Variants in PRSS12 observed in about 807,000 individuals in gnomAD.
The protein encoded by PRSS12 is serine protease 12, also known as neurotrypsin.
PRSS12 carries 85 observed loss-of-function variants against 104.4 expected under a neutral mutation model. That is an observed-to-expected ratio of 0.81 (90% CI 0.68 to 0.98). PRSS12 has a LOEUF of 0.98. Ranked by LOEUF, PRSS12 falls within the 50% of genes least tolerant of loss-of-function variation. The pLI is 0.00. For synonymous variants in PRSS12, 454 were observed against 425.2 expected, an observed-to-expected ratio of 1.07 and a Z score of -0.83; for missense variants, 1,141 against 1,139.2, an observed-to-expected ratio of 1.00 and a Z score of -0.02.
At chr4:118,327,297 G>A (rs776567185) in intron 4 of PRSS12, among the ~76,000 whole-genome samples, 1 of 151,972 alleles carries the variant, frequency 6.6e-6, no homozygotes, top group African/African-American at 2.4e-5. Flanking sequence ...GACCACCAGT[G>A]CGTGCCACCA....
chr4:118,288,382 T>C (rs1350260361), intron 11 of PRSS12, among the ~76,000 whole-genome samples: 1 of 152,240 alleles, frequency 6.6e-6, no homozygotes, highest in Non-Finnish European at 1.5e-5. Flanking sequence ...CTCTACCATA[T>C]ACTATGTCAT....
chr4:118,299,793 A>T (rs1263420785), intron 8 of PRSS12, among the ~76,000 whole-genome samples: 26 of 104,330 alleles, frequency 2.5e-4, no homozygotes, highest in African/African-American at 7.3e-4. Context: ...ATAAAATAAA[A>T]TAAATAAAAT....
At chr4:118,318,631 G>A (rs761883208) in intron 4 of PRSS12, 75 bp from the exon 5 acceptor site, 2 of 1,438,350 alleles carry the variant, frequency 1.4e-6, no homozygotes, top group Non-Finnish European at 1.9e-6. Context: ...TTTGTCCCTA[G>A]TAAAAGCATT....
At chr4:118,303,639 A>C (rs1208418425) in intron 8 of PRSS12, 1 of 152,174 alleles carries the variant, frequency 6.6e-6, no homozygotes, top group African/African-American at 2.4e-5. Flanking sequence ...TCTGATAATT[A>C]GTCTTTAAAC....
intron 8 of PRSS12, chr4:118,303,866 A>G (rs1743464111): frequency 6.6e-6 from 1 of 152,060 alleles, no homozygotes; most frequent in African/African-American, 2.4e-5. Flanking sequence ...CATTCCTCCA[A>G]AGTTTGAAAG....
intron 4 of PRSS12, among the ~76,000 whole-genome samples, chr4:118,319,839 G>A (rs1283800776): frequency 6.6e-6 from 1 of 151,906 alleles, no homozygotes; most frequent in Non-Finnish European, 1.5e-5. Flanking sequence ...CACCGTGCCA[G>A]TGAATGTTTT....
chr4:118,329,814 C>T (rs1199081492), intron 4 of PRSS12, among the ~76,000 whole-genome samples: 2 of 152,088 alleles, frequency 1.3e-5, no homozygotes, highest in Admixed American at 1.3e-4. Context: ...TGTAGCTTTT[C>T]GCAACTCCAA....
At chr4:118,295,210 A>T in intron 10 of PRSS12, 149 bp from the exon 11 acceptor site, 1 of 1,086,090 alleles carries the variant, frequency 9.2e-7, no homozygotes, top group Non-Finnish European at 1.3e-6. Flanking sequence ...ATCCCTTCCT[A>T]CTTTGAGAAG....
intron 7 of PRSS12, among the ~76,000 whole-genome samples, chr4:118,310,235 A>C (rs1743673180): frequency 6.6e-6 from 1 of 152,204 alleles, no homozygotes; most frequent in Non-Finnish European, 1.5e-5. Flanking sequence ...TAAAGTTTTC[A>C]CTTTTTATAT....
chr4:118,322,656 A>G (rs546294963), intron 4 of PRSS12, among the ~76,000 whole-genome samples: 4 of 151,386 alleles, frequency 2.6e-5, no homozygotes, highest in African/African-American at 9.6e-5. Flanking sequence ...CAATTTGGGG[A>G]TGGAGGCTGA....
Position 118,335,484 on chromosome 4 carries a change from C to G in PRSS12, c.809G>C (p.Ser270Thr). The G allele has an allele frequency of 1.2e-6, 2 of 1,613,774 alleles. No homozygotes were observed. The highest frequency in any genetic ancestry group is 1.7e-6 in the Non-Finnish European group (2 of 1,179,888). Residue 270 changes from serine to threonine, a missense_variant, in exon 3 of 13, where the codon AGC becomes ACC. Physicochemically the swap from Ser to Thr is moderately conservative, Grantham distance 58. Transcript: ENST00000296498. ...TTTCTTTTTTTTACCATGGGAAAAG[C>G]TACACGTGACAGCAGCTGCCATCTT... ...PQKMAAAVTC[S>T]FSHGPTFPII...
At chr4:118,324,376 C>A (rs1282807882) in intron 4 of PRSS12, among the ~76,000 whole-genome samples, 2 of 151,996 alleles carry the variant, frequency 1.3e-5, no homozygotes, top group African/African-American at 4.8e-5. Flanking sequence ...AACTTTCATA[C>A]AATTTTTAGG....
At chr4:118,339,379 AT>A (rs1724143456) in intron 1 of PRSS12, among the ~76,000 whole-genome samples, 1 of 152,260 alleles carries the variant, frequency 6.6e-6, no homozygotes. Flanking sequence ...GTATGGCTTC[AT>A]AATAACTTCC....
chr4:118,320,109 T>C (rs549190576), intron 4 of PRSS12, among the ~76,000 whole-genome samples: 2 of 152,192 alleles, frequency 1.3e-5, no homozygotes, highest in Non-Finnish European at 2.9e-5. Flanking sequence ...CCTGTCAAAG[T>C]GATTAATAAT....
intron 7 of PRSS12, among the ~76,000 whole-genome samples, chr4:118,309,791 T>C (rs75953691): frequency 9.5e-4 from 144 of 152,308 alleles, no homozygotes; most frequent in African/African-American, 3.3e-3. Flanking sequence ...TATTATTTAA[T>C]ATATGTTTAA....
In PRSS12 at chr4:118,298,788, A is replaced by G. The variant is rs1743317483; in HGVS notation, c.1782T>C (p.Asp594=). The G allele has an allele frequency of 1.9e-6, 3 of 1,614,190 alleles. No homozygotes were observed. The highest frequency in any genetic ancestry group is 2.5e-6 in the Non-Finnish European group (3 of 1,180,022). The change falls in exon 9 of 13, where the codon GAT becomes GAC. Residue 594 remains aspartate, a synonymous_variant. Transcript: ENST00000296498. ...IGRHNCRHSE[D]AGVICDYFGK... ...CAAAATAATCACAAATAACTCCTGCATCTTCACTGTGGCGGCAGTTGTGTC... is the reference window on the plus strand; with the variant it reads ...CAAAATAATCACAAATAACTCCTGCGTCTTCACTGTGGCGGCAGTTGTGTC...
At position 118,280,217 on chromosome 4, in the gene PRSS12, C is replaced by G. The variant is rs767907248; in HGVS notation, c.*1719G>C. 1 of 152,236 alleles carries G rather than the reference C, an allele frequency of 6.6e-6. No individual in the cohort carries two copies. The highest frequency in any genetic ancestry group is 1.5e-5 in the Non-Finnish European group (1 of 68,042). 9.4% of individuals were successfully genotyped at this position (152,236 alleles called of 1,614,324 possible). ...TTGCTAGTCCCTGATCTACTTGAAA[C>G]AGATGTTGCTTGCCCCAACACTAGT... On this transcript the variant is annotated 3_prime_UTR_variant, in exon 13 of 13. Transcript: ENST00000296498.
chr4:118,329,510 T>C (rs1255018892), intron 4 of PRSS12, among the ~76,000 whole-genome samples: 1 of 152,176 alleles, frequency 6.6e-6, no homozygotes, highest in Non-Finnish European at 1.5e-5. Flanking sequence ...TGAATACATA[T>C]ATGTACACAT....
intron 3 of PRSS12, among the ~76,000 whole-genome samples, chr4:118,334,090 C>A (rs1266024437): frequency 6.6e-6 from 1 of 152,140 alleles, no homozygotes; most frequent in East Asian, 1.9e-4. Context: ...CTATCACTAT[C>A]CCTTAAGGTG....
Sources: allele counts gnomAD v4.1 joint callset (sites outside exome capture counted in the v4.1 genomes callset), GRCh38; gene constraint gnomAD v4.1.1; transcripts MANE v1.5; gene names NCBI Gene and HGNC (gene_info 2026-07-23, HGNC 2026-07-21).